MKX: variants seen among roughly 807,000 people sequenced by gnomAD.
MKX encodes the protein homeobox protein Mohawk.
MKX carries 13 observed loss-of-function variants against 36.0 expected under a neutral mutation model. The observed-to-expected ratio is 0.36, with a 90% CI of 0.24 to 0.57. MKX has a LOEUF of 0.57. Among genes scored for constraint, MKX ranks in the 20% least tolerant of loss-of-function variants. The pLI, the probability that MKX is intolerant of heterozygous loss-of-function variation, is 0.79. For missense variants in MKX, 458 were observed against 456.4 expected (o/e 1.00, Z -0.03); for synonymous variants, 176 against 178.3 (o/e 0.99, Z 0.10).
At chr10:27,704,890 AAAAT>A (rs1488947906) in intron 5 of MKX, among the ~76,000 whole-genome samples, 1 of 152,172 alleles carries the variant, frequency 6.6e-6, no homozygotes, top group Non-Finnish European at 1.5e-5. Context: ...AATCTTTATT[AAAAT>A]AAATATATAC....
chr10:27,695,427 G>C (rs934364030), intron 5 of MKX, among the ~76,000 whole-genome samples: 11 of 146,678 alleles, frequency 7.5e-5, no homozygotes, highest in East Asian at 4.8e-4. Flanking sequence ...GCTCAGTAAG[G>C]CTTAACAGAA....
rs945624620 is a variant in MKX at position 27,704,926 on chromosome 10, G to T, written c.839-29372C>A. On this transcript the variant is annotated intron_variant, in intron 5 of 6. Transcript: ENST00000419761. Reference sequence around the variant, plus strand: ...ATACAATGATATATAACTAATTTGGGCAAAATATTTGTTAATGAATATTAC... The same window carrying T: ...ATACAATGATATATAACTAATTTGGTCAAAATATTTGTTAATGAATATTAC... Among the ~76,000 whole-genome samples, 6 of 151,990 alleles carry T rather than the reference G, an allele frequency of 3.9e-5. No homozygotes were observed. In the East Asian group the frequency reaches 1.2e-3, roughly 29 times the overall value.
intron 5 of MKX, among the ~76,000 whole-genome samples, chr10:27,721,098 G>A (rs1326905422): frequency 1.3e-5 from 2 of 152,116 alleles, no homozygotes; most frequent in Admixed American, 1.3e-4. Context: ...GCCCTCAGTG[G>A]GAAGATTTGA....
intron 3 of MKX, among the ~76,000 whole-genome samples, chr10:27,737,502 T>C (rs1431257254): frequency 6.6e-6 from 1 of 152,138 alleles, no homozygotes; most frequent in African/African-American, 2.4e-5. Context: ...TTTTCTGAAC[T>C]TTGAATCCTT....
intron 5 of MKX, among the ~76,000 whole-genome samples, chr10:27,686,451 AGGGG>A (rs1328139335): frequency 0.013 from 1,882 of 149,404 alleles, 37 homozygotes; most frequent in African/African-American, 0.043. Flanking sequence ...GGAAGGAAAG[AGGGG>A]GAAGAGAAGA....
chr10:27,725,958 T>C (rs893701055), intron 5 of MKX, among the ~76,000 whole-genome samples: 1 of 152,166 alleles, frequency 6.6e-6, no homozygotes, highest in African/African-American at 2.4e-5. Context: ...ACGACTTATT[T>C]AGAAGCCCTA....
chr10:27,682,304 G>T (rs551472585), intron 5 of MKX, among the ~76,000 whole-genome samples: 1 of 152,098 alleles, frequency 6.6e-6, no homozygotes, highest in Non-Finnish European at 1.5e-5. Flanking sequence ...TTTAAAAAGC[G>T]TATAAAGTAA....
intron 5 of MKX, 148 bp downstream of exon 5, chr10:27,734,307 TA>T: frequency 1.5e-6 from 1 of 682,850 alleles, no homozygotes; most frequent in Non-Finnish European, 2.3e-6. Context: ...TTGGCAATTC[TA>T]AACAAAACGA....
Position 27,714,009 on chromosome 10 carries a change from C to CAAAA in MKX, c.838+20443_838+20446dup, listed in dbSNP as rs10632508. Among the ~76,000 whole-genome samples the CAAAA allele has an allele frequency of 5.2e-3, 537 of 102,484 alleles. 27 individuals are homozygous for CAAAA. Among genetic ancestry groups the CAAAA allele is most frequent in the South Asian group, 8.5e-3 (26 of 3,070 alleles). The allele number at this position is 102,484 out of a possible 152,430, so 67.2% of individuals were successfully genotyped here. ...GAGTACAGCAAATTTGTGCAAAGAC[C>CAAAA]AAAAAAAAAAAAAAAAAAAAGAGGC... On this transcript the variant is annotated intron_variant, in intron 5 of 6. Coordinates refer to ENST00000419761, the MANE Select transcript of MKX (RefSeq NM_173576.3).
chr10:27,685,854 C>T (rs569492566), intron 5 of MKX, among the ~76,000 whole-genome samples: 1 of 152,272 alleles, frequency 6.6e-6, no homozygotes, highest in African/African-American at 2.4e-5. Context: ...TGCTGCGTCA[C>T]TTTCAGAGGA....
At chr10:27,684,852 ATTAG>A (rs891463978) in intron 5 of MKX, among the ~76,000 whole-genome samples, 42 of 152,366 alleles carry the variant, frequency 2.8e-4, no homozygotes, top group African/African-American at 9.9e-4. Context: ...ATCATCAGAC[ATTAG>A]TTAGATTCTC....
chr10:27,700,577 C>A (rs1017164506), intron 5 of MKX, among the ~76,000 whole-genome samples: 7 of 152,082 alleles, frequency 4.6e-5, no homozygotes, highest in African/African-American at 1.7e-4. Context: ...GATTCTGGCC[C>A]TTCATGCTTT....
intron 5 of MKX, among the ~76,000 whole-genome samples, chr10:27,692,064 T>C (rs911221758): frequency 2.0e-5 from 3 of 152,212 alleles, no homozygotes; most frequent in African/African-American, 7.2e-5. Context: ...TTTGGCTATA[T>C]ACCCACTAAT....
At chr10:27,740,424 A>T (rs980921426) in intron 3 of MKX, among the ~76,000 whole-genome samples, 1 of 152,220 alleles carries the variant, frequency 6.6e-6, no homozygotes, top group Non-Finnish European at 1.5e-5. Context: ...ATTTTAAAAA[A>T]TTGTGACATG....
rs1834938295 is a variant in MKX, at chr10:27,742,864, C to G, written c.188+364G>C. Among the ~76,000 whole-genome samples the G allele has an allele frequency of 6.6e-6, 1 of 152,138 alleles. No homozygotes were observed. The highest frequency in any genetic ancestry group is 2.1e-4 in the South Asian group (1 of 4,836). On this transcript the variant is annotated intron_variant, in intron 2 of 6. Coordinates refer to ENST00000419761, the MANE Select transcript of MKX (RefSeq NM_173576.3). The surrounding 1 kb of genome is among the most constrained non-coding windows in gnomAD (Gnocchi z 4.2). ...CCCGACTGCTCGGCTTCGCCTGTTT[C>G]TCTGCACCGAGCTCAGTCCTTTTTC...
rs573113912 is a variant in MKX at position 27,713,911 on chromosome 10, C to G, written c.838+20545G>C. Among the ~76,000 whole-genome samples, 11 of 147,108 alleles carry G rather than the reference C, an allele frequency of 7.5e-5. No individual in the cohort carries two copies. In the East Asian group the frequency reaches 2.0e-3, roughly 27 times the overall value. On this transcript the variant is annotated intron_variant, in intron 5 of 6. Transcript: ENST00000419761. ...ATCATACATTCAACATTTGGAGTTT[C>G]ACTGTGTTCTAGCCTCACTTTACAA...
chr10:27,675,793 A>T (rs1174591228), intron 5 of MKX, among the ~76,000 whole-genome samples: 1 of 152,222 alleles, frequency 6.6e-6, no homozygotes, highest in African/African-American at 2.4e-5. Context: ...ATACACAAAA[A>T]TCTGAAGTTA....
chr10:27,675,640 T>A, intron 5 of MKX, 86 bp from the exon 6 acceptor site: 1 of 1,293,280 alleles, frequency 7.7e-7, no homozygotes, highest in Non-Finnish European at 1.1e-6. Context: ...TGACCAGAAG[T>A]AAAAGTTCTT....
At position 27,743,262 on chromosome 10, in the gene MKX, T is replaced by C. The variant is rs769132215; in HGVS notation, c.154A>G (p.Lys52Glu). 2 of 1,543,928 alleles carry C rather than the reference T, an allele frequency of 1.3e-6. No individual in the cohort carries two copies. Among genetic ancestry groups the C allele is most frequent in the South Asian group, 1.2e-5 (1 of 80,816 alleles). ...CGGTGTCTCAGGCCGAGGTTGTCCT[T>C]GAGGGGCGGGCCGTCGGGAATGCCC... ...EVGIPDGPPL[K>E]DNLGLRHRRT... Residue 52 changes from lysine (K) to glutamate (E), a missense_variant, in exon 2 of 7, where the codon AAG becomes GAG. Physicochemically the swap from Lys to Glu is moderately conservative, Grantham distance 56. Coordinates refer to ENST00000419761, the MANE Select transcript of MKX (RefSeq NM_173576.3).
Sources: allele counts gnomAD v4.1 joint callset (sites outside exome capture counted in the v4.1 genomes callset), GRCh38; gene constraint gnomAD v4.1.1; non-coding constraint Gnocchi (gnomAD v3.1); transcripts MANE v1.5; gene names NCBI Gene and HGNC (gene_info 2026-07-23, HGNC 2026-07-21).